CDH4: variants seen among roughly 807,000 people sequenced by gnomAD.
The protein encoded by CDH4 is cadherin 4, also known as cadherin-4.
A neutral mutation model predicts 86.0 loss-of-function variants in CDH4; 33 were observed. The ratio of observed to expected loss-of-function variants is 0.38; its 90% CI spans 0.29 to 0.51. CDH4 has a LOEUF of 0.51. Among genes scored for constraint, CDH4 ranks in the 20% least tolerant of loss-of-function variants. CDH4 has a pLI of 0.86. For missense variants in CDH4, 1,114 were observed against 1,307.4 expected (o/e 0.85, Z 2.28); for synonymous variants, 555 against 549.4 (o/e 1.01, Z -0.14).
rs557999160 is a variant in CDH4, at chr20:61,768,189, A to G, written c.397-4814A>G. Among the ~76,000 whole-genome samples, 115 of 152,288 alleles carry G rather than the reference A, an allele frequency of 7.6e-4. 6 individuals are homozygous for G. In the South Asian group the frequency reaches 0.021, roughly 28 times the overall value. ...TTTTGAGAAAGTTGTGATGTGCTCTATACACACACACACAGACACACAAAC... is the reference window on the plus strand; with the variant it reads ...TTTTGAGAAAGTTGTGATGTGCTCTGTACACACACACACAGACACACAAAC... On this transcript the variant is annotated intron_variant, in intron 3 of 15. Coordinates refer to ENST00000614565, the MANE Select transcript of CDH4 (RefSeq NM_001794.5).
intron 15 of CDH4, among the ~76,000 whole-genome samples, chr20:61,936,045 C>CA (rs1288649574): frequency 2.0e-5 from 3 of 152,038 alleles, no homozygotes; most frequent in Non-Finnish European, 4.4e-5. Context: ...CACCCGCGGG[C>CA]ACTGAGGAGA....
intron 4 of CDH4, among the ~76,000 whole-genome samples, chr20:61,783,311 G>T (rs1314292037): frequency 6.6e-6 from 1 of 152,154 alleles, no homozygotes; most frequent in African/African-American, 2.4e-5. Flanking sequence ...TTCTCCAAAG[G>T]CACATTCTAT....
chr20:61,856,612 G>A (rs1025046778), intron 6 of CDH4, among the ~76,000 whole-genome samples: 1 of 113,154 alleles, frequency 8.8e-6, no homozygotes, highest in Non-Finnish European at 2.0e-5. Context: ...TGAGGGTCCT[G>A]TGTGTACCCC....
intron 2 of CDH4, among the ~76,000 whole-genome samples, chr20:61,727,152 C>G (rs760536729): frequency 5.9e-5 from 9 of 152,126 alleles, no homozygotes; most frequent in Admixed American, 2.0e-4. Context: ...TCATCACCAT[C>G]AGAGTCATCA....
In CDH4 at chr20:61,933,632, G is replaced by A. The variant is rs915972584; in HGVS notation, c.2380-424G>A. 5.9e-5 allele frequency among the ~76,000 whole-genome samples: 9 copies of A among 151,940 alleles called. 1 individual carries two copies. The highest frequency in any genetic ancestry group is 3.9e-4 in the Admixed American group (6 of 15,274). On this transcript the variant is annotated intron_variant, in intron 14 of 15. Coordinates refer to ENST00000614565, the MANE Select transcript of CDH4 (RefSeq NM_001794.5). ...GCCCCTCCCACAACACGACCATAACGAACGTGAGGCATGTGCCTTGCGGAG... is the reference window on the plus strand; with the variant it reads ...GCCCCTCCCACAACACGACCATAACAAACGTGAGGCATGTGCCTTGCGGAG...
chr20:61,308,621 G>A (rs141578920), intron 2 of CDH4, among the ~76,000 whole-genome samples: 36 of 152,290 alleles, frequency 2.4e-4, no homozygotes, highest in African/African-American at 7.7e-4. Flanking sequence ...GAGGAGCACC[G>A]GGGCTTACTG....
chr20:61,828,264 G>A (rs904494931), intron 4 of CDH4, among the ~76,000 whole-genome samples: 8 of 152,098 alleles, frequency 5.3e-5, no homozygotes, highest in East Asian at 1.9e-4. Flanking sequence ...GACATTACCC[G>A]CATCTAACGA....
At chr20:61,714,041 ATTTTATTTTATTT>A (rs921581098) in intron 2 of CDH4, among the ~76,000 whole-genome samples, 1 of 148,062 alleles carries the variant, frequency 6.8e-6, no homozygotes, top group African/African-American at 2.5e-5. Context: ...ATTTTATTTT[ATTTTATTTTATTT>A]TATTTTATTT....
intron 2 of CDH4, among the ~76,000 whole-genome samples, chr20:61,648,599 GGA>G (rs974783942): frequency 1.3e-5 from 2 of 152,310 alleles, no homozygotes; most frequent in Admixed American, 1.3e-4. Context: ...TTCCCATGTT[GGA>G]GAGTCTCTCA....
chr20:61,520,024 G>A (rs1418088379), intron 2 of CDH4, among the ~76,000 whole-genome samples: 4 of 152,184 alleles, frequency 2.6e-5, no homozygotes, highest in Non-Finnish European at 5.9e-5. Flanking sequence ...ACACAGACTT[G>A]CGTGTGTCAG....
At chr20:61,628,028 C>G (rs1351992011) in intron 2 of CDH4, among the ~76,000 whole-genome samples, 1 of 152,154 alleles carries the variant, frequency 6.6e-6, no homozygotes, top group Non-Finnish European at 1.5e-5. Context: ...CAGGAATTCC[C>G]ACCTCACCCC....
At chr20:61,454,472 GT>G (rs1878670955) in intron 2 of CDH4, among the ~76,000 whole-genome samples, 1 of 152,136 alleles carries the variant, frequency 6.6e-6, no homozygotes, top group Non-Finnish European at 1.5e-5. Flanking sequence ...TTGAGACGGA[GT>G]CTCACTCTGT....
chr20:61,449,831 G>C (rs2145544484), intron 2 of CDH4, among the ~76,000 whole-genome samples: 1 of 152,278 alleles, frequency 6.6e-6, no homozygotes, highest in South Asian at 2.1e-4. Flanking sequence ...CCATTTTTAA[G>C]AGCTGCATAG....
intron 2 of CDH4, among the ~76,000 whole-genome samples, chr20:61,257,458 G>C (rs1003356586): frequency 3.9e-5 from 6 of 152,222 alleles, no homozygotes; most frequent in South Asian, 4.1e-4. Flanking sequence ...TCCGAGAAGC[G>C]GAGCCGCGAA....
chr20:61,643,721 G>T (rs1302479842), intron 2 of CDH4, among the ~76,000 whole-genome samples: 1 of 152,236 alleles, frequency 6.6e-6, no homozygotes, highest in Non-Finnish European at 1.5e-5. Flanking sequence ...GATCAGCAAT[G>T]CTGTACACAG....
rs1013102662 is a variant in CDH4 at position 61,811,972 on chromosome 20, G to A, written c.577-32696G>A. ...TAGGCATGAGCCACTGCACCTAGCCGCCTGCTGTCCTTCAGACTCCCCGCC... is the reference window on the plus strand; with the variant it reads ...TAGGCATGAGCCACTGCACCTAGCCACCTGCTGTCCTTCAGACTCCCCGCC... On this transcript the variant is annotated intron_variant, in intron 4 of 15. Transcript: ENST00000614565. The surrounding 1 kb of genome is among the most constrained non-coding windows in gnomAD (Gnocchi z 4.4). Among the ~76,000 whole-genome samples, 6 of 152,080 alleles carry A rather than the reference G, an allele frequency of 3.9e-5. No individual in the cohort carries two copies. Among genetic ancestry groups the A allele is most frequent in the South Asian group, 2.1e-4 (1 of 4,824 alleles).
At chr20:61,258,222 T>C (rs2084109574) in intron 2 of CDH4, among the ~76,000 whole-genome samples, 1 of 147,488 alleles carries the variant, frequency 6.8e-6, no homozygotes, top group African/African-American at 2.5e-5. Context: ...CCCAGCTACG[T>C]GAGAGGCTGA....
chr20:61,690,304 G>A (rs149336055), intron 2 of CDH4, among the ~76,000 whole-genome samples: 7 of 152,286 alleles, frequency 4.6e-5, no homozygotes, highest in East Asian at 1.9e-4. Flanking sequence ...ACTGAGACCC[G>A]TGTGTATTGT....
intron 2 of CDH4, among the ~76,000 whole-genome samples, chr20:61,488,370 G>A (rs2085607702): frequency 6.6e-6 from 1 of 152,036 alleles, no homozygotes. Context: ...TAATTCATTT[G>A]TTCAGCGCCT....
Sources: gnomAD v4.1 joint callset for allele counts (sites outside exome capture counted in the v4.1 genomes callset) on GRCh38, gnomAD v4.1.1 for gene constraint, Gnocchi (gnomAD v3.1) non-coding constraint, MANE v1.5 for transcripts, NCBI Gene and HGNC (gene_info 2026-07-23, HGNC 2026-07-21) for gene names.